Variants in IL1RAPL2 observed in about 807,000 individuals in gnomAD.
IL1RAPL2 encodes the protein X-linked interleukin-1 receptor accessory protein-like 2.
In IL1RAPL2, 3 loss-of-function variants were observed where a neutral mutation model predicts 44.1. The observed-to-expected ratio is 0.07, with a 90% CI of 0.03 to 0.18. The LOEUF (loss-of-function observed/expected upper bound fraction) is 0.18. Among genes scored for constraint, IL1RAPL2 ranks in the 10% least tolerant of loss-of-function variants. The pLI, the probability that IL1RAPL2 is intolerant of heterozygous loss-of-function variation, is 1.00. For synonymous variants in IL1RAPL2, 181 were observed against 178.8 expected (o/e 1.01, Z -0.10); for missense variants, 391 against 496.4 (o/e 0.79, Z 2.02).
chrX:105,637,203 A>C (rs533080900), intron 6 of IL1RAPL2, among the ~76,000 whole-genome samples: 75 of 111,948 alleles, frequency 6.7e-4, no homozygotes, highest in Middle Eastern at 4.6e-3. Context: ...GCTAGGAAGA[A>C]AGCCTTCTCT....
intron 6 of IL1RAPL2, among the ~76,000 whole-genome samples, chrX:105,650,313 G>T (rs374450774): frequency 8.9e-6 from 1 of 111,947 alleles, no homozygotes; most frequent in East Asian, 2.8e-4. Flanking sequence ...AGGGACATTT[G>T]AAGACATACC....
chrX:105,450,048 C>A (rs1423696182), intron 5 of IL1RAPL2, among the ~76,000 whole-genome samples: 1 of 111,973 alleles, frequency 8.9e-6, no homozygotes, highest in Non-Finnish European at 1.9e-5. Context: ...AGTCAAAAAC[C>A]TTAGCAGTTC....
chrX:104,876,878 G>A (rs916051293), intron 2 of IL1RAPL2, among the ~76,000 whole-genome samples: 7 of 108,017 alleles, frequency 6.5e-5, no homozygotes, highest in South Asian at 4.1e-4. Context: ...ATCCCTCCCC[G>A]CTCCGCCCAC....
At chrX:105,665,408 T>G (rs1027755100) in intron 6 of IL1RAPL2, among the ~76,000 whole-genome samples, 3 of 110,106 alleles carry the variant, frequency 2.7e-5, no homozygotes, top group African/African-American at 9.9e-5. Context: ...AAGCATCTTA[T>G]TGTACTGTTT....
At chrX:105,064,400 T>C (rs1331236151) in intron 2 of IL1RAPL2, among the ~76,000 whole-genome samples, 1 of 112,228 alleles carries the variant, frequency 8.9e-6, no homozygotes, top group Non-Finnish European at 1.9e-5. Context: ...AACCAGGTAC[T>C]GTGGCCTCTT....
intron 3 of IL1RAPL2, among the ~76,000 whole-genome samples, chrX:105,229,203 G>C (rs1556192778): frequency 1.8e-5 from 2 of 111,772 alleles, no homozygotes; most frequent in African/African-American, 6.5e-5. Flanking sequence ...AACCAGCCTG[G>C]GGCATTTTTC....
intron 2 of IL1RAPL2, among the ~76,000 whole-genome samples, chrX:104,712,230 T>C (rs2147558479): frequency 9.0e-6 from 1 of 110,806 alleles, no homozygotes; most frequent in South Asian, 3.8e-4. Flanking sequence ...CCTGGAGCAG[T>C]CTGCCATTTT....
chrX:105,759,199 G>A (rs2038665886), intron 10 of IL1RAPL2, among the ~76,000 whole-genome samples: 1 of 112,352 alleles, frequency 8.9e-6, no homozygotes, highest in African/African-American at 3.2e-5. Context: ...GTCAGATGGA[G>A]AAAATAGCAT....
intron 2 of IL1RAPL2, among the ~76,000 whole-genome samples, chrX:104,792,548 T>C (rs1391728691): frequency 1.8e-5 from 2 of 111,566 alleles, no homozygotes; most frequent in African/African-American, 6.5e-5. Context: ...TGTTATAGCA[T>C]TTATGGCTTT....
chrX:105,235,830 T>A (rs1556201058), intron 4 of IL1RAPL2, among the ~76,000 whole-genome samples: 1 of 112,039 alleles, frequency 8.9e-6, no homozygotes, highest in African/African-American at 3.2e-5. Context: ...TAGGTGCTAT[T>A]ATCCTAATTT....
At chrX:104,895,434 C>A (rs952284833) in intron 2 of IL1RAPL2, among the ~76,000 whole-genome samples, 2 of 112,697 alleles carry the variant, frequency 1.8e-5, no homozygotes, top group African/African-American at 6.4e-5. Context: ...GGGCTCCACC[C>A]AGTTCAAGCT....
At chrX:104,970,315 T>C (rs1216296091) in intron 2 of IL1RAPL2, among the ~76,000 whole-genome samples, 1 of 111,431 alleles carries the variant, frequency 9.0e-6, no homozygotes, top group East Asian at 2.8e-4. Flanking sequence ...AGCCCCAAAA[T>C]TGGAACTTAG....
intron 2 of IL1RAPL2, among the ~76,000 whole-genome samples, chrX:105,134,836 C>G (rs1338851789): frequency 9.0e-6 from 1 of 110,705 alleles, no homozygotes; most frequent in African/African-American, 3.3e-5. Flanking sequence ...CTACCTTTTT[C>G]TTTTCTTGTA....
At chrX:105,677,625 T>C (rs1000440203) in intron 6 of IL1RAPL2, among the ~76,000 whole-genome samples, 22 of 111,552 alleles carry the variant, frequency 2.0e-4, no homozygotes, top group African/African-American at 7.2e-4. Context: ...TCTCTCAATC[T>C]CAGTACTGTT....
At position 105,411,508 on chromosome X, in the gene IL1RAPL2, G is replaced by A. The variant is rs1006873337; in HGVS notation, c.698-72805G>A. Among the ~76,000 whole-genome samples, 10 of 110,701 alleles carry A rather than the reference G, an allele frequency of 9.0e-5. No homozygotes were observed. The East Asian group carries it at 1.7e-3, about 19-fold the overall frequency. ...TGCAAATGGAAACCAAAAGTAAGCCGGAATAGCCATACTCATATCAGATAA... is the reference window on the plus strand; with the variant it reads ...TGCAAATGGAAACCAAAAGTAAGCCAGAATAGCCATACTCATATCAGATAA... On this transcript the variant is annotated intron_variant, in intron 5 of 10. Transcript: ENST00000372582.
chrX:104,676,043 C>G (rs1354285917), intron 2 of IL1RAPL2, among the ~76,000 whole-genome samples: 9 of 108,067 alleles, frequency 8.3e-5, no homozygotes, highest in African/African-American at 3.0e-4. Context: ...TGGGTCTTGA[C>G]TCTTTATCCA....
intron 1 of IL1RAPL2, among the ~76,000 whole-genome samples, chrX:104,585,265 AATATATT>A (rs1274604328): frequency 0.055 from 1,356 of 24,469 alleles, 60 homozygotes; most frequent in Admixed American, 0.12. Context: ...ATATATATAT[AATATATT>A]ATATATATTA....
intron 1 of IL1RAPL2, among the ~76,000 whole-genome samples, chrX:104,593,761 C>T (rs1928711602): frequency 8.9e-6 from 1 of 111,893 alleles, no homozygotes; most frequent in African/African-American, 3.2e-5. Context: ...TTTACCTTTC[C>T]ATGCATCTGC....
chrX:105,494,593 T>G (rs150376084), intron 6 of IL1RAPL2, among the ~76,000 whole-genome samples: 1,206 of 111,511 alleles, frequency 0.011, 10 homozygotes, highest in Non-Finnish European at 0.013. Flanking sequence ...TGGAAGATCT[T>G]TTGCTCCTTT....
Sources: gnomAD v4.1 joint callset for allele counts (sites outside exome capture counted in the v4.1 genomes callset) on GRCh38, gnomAD v4.1.1 for gene constraint, MANE v1.5 for transcripts, NCBI Gene and HGNC (gene_info 2026-07-23, HGNC 2026-07-21) for gene names.